Variants in SMIM21 observed in about 807,000 individuals in gnomAD.
SMIM21 encodes the protein small integral membrane protein 21, also known as chromosome 18 open reading frame 62.
In SMIM21, 8 loss-of-function variants were observed where a neutral mutation model predicts 8.6. The ratio of observed to expected loss-of-function variants is 0.93; its 90% CI spans 0.55 to 1.68. The LOEUF is 1.68. SMIM21 is among the 40% of genes most tolerant of loss of function. The pLI, the probability that SMIM21 is intolerant of heterozygous loss-of-function variation, is 0.00. For synonymous variants in SMIM21, 43 were observed against 41.7 expected, an observed-to-expected ratio of 1.03 and a Z score of -0.12; for missense variants, 132 against 123.0, an observed-to-expected ratio of 1.07 and a Z score of -0.35.
chr18:75,423,196 T>C (rs2024727744), intron 1 of SMIM21, among the ~76,000 whole-genome samples: 1 of 152,250 alleles, frequency 6.6e-6, no homozygotes. Context: ...TTTACACATA[T>C]GTCATTATGT....
rs1011009872 is a variant in SMIM21, at chr18:75,415,391, G to A, written c.260+3395C>T. 2.6e-5 allele frequency among the ~76,000 whole-genome samples: 4 copies of A among 152,314 alleles called. No individual in the cohort carries two copies. The South Asian group carries it at 6.2e-4, about 24-fold the overall frequency. On this transcript the variant is annotated intron_variant, in intron 2 of 2. Coordinates refer to ENST00000579022, the MANE Select transcript of SMIM21 (RefSeq NM_001037331.3). ...GGGGCTGAAGGGTCCCTGCTCCAGC[G>A]ACTGGCTCCCCAGCCAGAGGGAGAG...
chr18:75,412,780 A>G (rs768868819), intron 2 of SMIM21, among the ~76,000 whole-genome samples: 3 of 152,174 alleles, frequency 2.0e-5, no homozygotes, highest in African/African-American at 7.2e-5. Context: ...ATAGGTTTAC[A>G]GAACCCCCAC....
At chr18:75,423,969 T>A (rs2024735451) in intron 1 of SMIM21, among the ~76,000 whole-genome samples, 1 of 152,244 alleles carries the variant, frequency 6.6e-6, no homozygotes, top group African/African-American at 2.4e-5. Context: ...TGTCTATAAC[T>A]GTTTTATCCT....
At chr18:75,419,744 T>C (rs2144554890) in intron 1 of SMIM21, among the ~76,000 whole-genome samples, 1 of 152,204 alleles carries the variant, frequency 6.6e-6, no homozygotes, top group East Asian at 1.9e-4. Flanking sequence ...AACTTGTAGA[T>C]ATACTTTCAA....
chr18:75,426,736 C>G (rs1362322403), intron 1 of SMIM21, among the ~76,000 whole-genome samples: 1 of 151,196 alleles, frequency 6.6e-6, no homozygotes, highest in Non-Finnish European at 1.5e-5. Flanking sequence ...GAGATGCTAC[C>G]TGCCTGCTCC....
intron 2 of SMIM21, among the ~76,000 whole-genome samples, chr18:75,414,038 T>G (rs1462584034): frequency 6.6e-6 from 1 of 151,768 alleles, no homozygotes; most frequent in Admixed American, 6.6e-5. Flanking sequence ...TGTACTTGCT[T>G]AGGATGATGA....
intron 1 of SMIM21, among the ~76,000 whole-genome samples, chr18:75,420,991 A>G (rs1450115329): frequency 6.6e-6 from 1 of 152,206 alleles, no homozygotes; most frequent in African/African-American, 2.4e-5. Context: ...TCCTAAGAGC[A>G]TGAACAATAT....
rs77421761 is a variant in SMIM21 at position 75,423,509 on chromosome 18, C to A, written c.129+3926G>T. The stretch of plus-strand genomic sequence containing the variant: ...GAGAGCTGTGCCAGGTGTGATCACA[C>A]CACACCCCTCATCTTTCCAGCCAGG... On this transcript the variant is annotated intron_variant, in intron 1 of 2. Transcript: ENST00000579022. 6.2e-3 allele frequency among the ~76,000 whole-genome samples: 940 copies of A among 152,348 alleles called. 11 individuals are homozygous for A. Among genetic ancestry groups the A allele is most frequent in the African/African-American group, 0.021 (893 of 41,572 alleles).
At chr18:75,425,698 A>G (rs1000826119) in intron 1 of SMIM21, among the ~76,000 whole-genome samples, 3 of 152,260 alleles carry the variant, frequency 2.0e-5, no homozygotes, top group African/African-American at 7.2e-5. Flanking sequence ...GCACATGGGT[A>G]GGAAGCAGTG....
intron 1 of SMIM21, among the ~76,000 whole-genome samples, chr18:75,419,905 G>C (rs1278828974): frequency 6.6e-6 from 1 of 152,070 alleles, no homozygotes; most frequent in African/African-American, 2.4e-5. Context: ...GTTATGAGGG[G>C]GCATGAGCCA....
At chr18:75,422,625 G>C (rs1002438140) in intron 1 of SMIM21, among the ~76,000 whole-genome samples, 2 of 152,116 alleles carry the variant, frequency 1.3e-5, no homozygotes, top group African/African-American at 4.8e-5. Context: ...TGGAATATTA[G>C]TCAGCCACAA....
At chr18:75,412,823 T>C (rs1347360236) in intron 2 of SMIM21, among the ~76,000 whole-genome samples, 1 of 151,874 alleles carries the variant, frequency 6.6e-6, no homozygotes, top group Non-Finnish European at 1.5e-5. Flanking sequence ...ACACACTTGC[T>C]GGATTTCTGT....
intron 1 of SMIM21, among the ~76,000 whole-genome samples, chr18:75,424,230 C>T (rs1326607466): frequency 6.6e-6 from 1 of 152,186 alleles, no homozygotes; most frequent in Non-Finnish European, 1.5e-5. Context: ...ATACAATCAA[C>T]AAGATTCTTA....
chr18:75,424,211 A>T (rs1039312182), intron 1 of SMIM21, among the ~76,000 whole-genome samples: 2 of 152,248 alleles, frequency 1.3e-5, no homozygotes, highest in African/African-American at 4.8e-5. Context: ...ACTTAAAAAT[A>T]AGTAGCAAAT....
At chr18:75,422,844 A>G (rs1385397831) in intron 1 of SMIM21, among the ~76,000 whole-genome samples, 1 of 152,192 alleles carries the variant, frequency 6.6e-6, no homozygotes, top group Non-Finnish European at 1.5e-5. Context: ...AGATTTCTTT[A>G]TGGGGTTATA....
In SMIM21 at chr18:75,410,230, T is replaced by C. The variant is rs1234929970; in HGVS notation, c.*634A>G. ...GATAATGTAAGAGGCTTGGTGCAGTTTTCTACTTGACTGAGGGTTAGTTCA... is the reference window on the plus strand; with the variant it reads ...GATAATGTAAGAGGCTTGGTGCAGTCTTCTACTTGACTGAGGGTTAGTTCA... On this transcript the variant is annotated 3_prime_UTR_variant, in exon 3 of 3. Coordinates refer to ENST00000579022, the MANE Select transcript of SMIM21 (RefSeq NM_001037331.3). 6.6e-6 allele frequency: 1 copy of C among 152,656 alleles called. No homozygotes were observed. Among genetic ancestry groups the C allele is most frequent in the Non-Finnish European group, 1.5e-5 (1 of 68,062 alleles). 9.5% of individuals were successfully genotyped at this position (152,656 alleles called of 1,614,324 possible).
intron 1 of SMIM21, among the ~76,000 whole-genome samples, chr18:75,420,730 G>A (rs1399125441): frequency 2.6e-5 from 4 of 152,094 alleles, no homozygotes; most frequent in Admixed American, 2.0e-4. Flanking sequence ...GAGTTGCTTG[G>A]GTATGTTATC....
At position 75,413,092 on chromosome 18, in the gene SMIM21, C is replaced by T. The variant is rs1357935630; in HGVS notation, c.261-2183G>A. On this transcript the variant is annotated intron_variant, in intron 2 of 2. Coordinates refer to ENST00000579022, the MANE Select transcript of SMIM21 (RefSeq NM_001037331.3). ...GCTGGCAGTCGCTGAGGTCCAGGCTCCAGGCCTCCACGCTGATGCTCCTGG... is the reference window on the plus strand; with the variant it reads ...GCTGGCAGTCGCTGAGGTCCAGGCTTCAGGCCTCCACGCTGATGCTCCTGG... Among the ~76,000 whole-genome samples the T allele has an allele frequency of 3.3e-5, 5 of 152,192 alleles. No individual in the cohort carries two copies. In the East Asian group the frequency reaches 7.8e-4, roughly 24 times the overall value.
At position 75,418,784 on chromosome 18, in the gene SMIM21, A is replaced by G; in HGVS notation, c.260+2T>C. ...TAACTGCTAAGGTTATCGTTTACCTACTTTCGAAATATGCTGTTGGCCCTT... is the reference window on the plus strand; with the variant it reads ...TAACTGCTAAGGTTATCGTTTACCTGCTTTCGAAATATGCTGTTGGCCCTT... On this transcript the variant is annotated splice_donor_variant, in intron 2 of 2. Coordinates refer to ENST00000579022, the MANE Select transcript of SMIM21 (RefSeq NM_001037331.3). LOFTEE classifies it high-confidence loss of function. The G allele has an allele frequency of 6.2e-7, 1 of 1,603,552 alleles. No individual in the cohort carries two copies.
Sources: gnomAD v4.1 joint callset for allele counts (sites outside exome capture counted in the v4.1 genomes callset) on GRCh38, gnomAD v4.1.1 for gene constraint, MANE v1.5 for transcripts, NCBI Gene and HGNC (gene_info 2026-07-23, HGNC 2026-07-21) for gene names.